TMEM98: variants seen among roughly 807,000 people sequenced by gnomAD.
The protein encoded by TMEM98 is transmembrane protein 98.
In TMEM98, 18 loss-of-function variants were observed where a neutral mutation model predicts 25.0. That is an observed-to-expected ratio of 0.72 (90% CI 0.50 to 1.07). The LOEUF is 1.07. Ranked by LOEUF, TMEM98 falls within the 50% of genes least tolerant of loss-of-function variation. The probability of loss-of-function intolerance (pLI) is 0.00; values close to 1 mark genes in which losing one functional copy is unlikely to be tolerated. For synonymous variants in TMEM98, 103 were observed against 112.4 expected (o/e 0.92, Z 0.53); for missense variants, 241 against 289.0 (o/e 0.83, Z 1.20).
At chr17:32,934,136 T>C (rs543413568) in intron 4 of TMEM98, among the ~76,000 whole-genome samples, 155 bp from the exon 5 acceptor site, 4 of 152,220 alleles carry the variant, frequency 2.6e-5, no homozygotes, top group South Asian at 2.1e-4. Flanking sequence ...CTTTAACTCA[T>C]GGGCTGGTTC....
At chr17:32,936,251 G>T in intron 5 of TMEM98, 81 bp from the exon 6 acceptor site, 2 of 1,124,304 alleles carry the variant, frequency 1.8e-6, no homozygotes, top group East Asian at 2.4e-5. Context: ...ACTCACGGCA[G>T]GGCTGATTTG....
intron 6 of TMEM98, among the ~76,000 whole-genome samples, chr17:32,937,920 A>T (rs1345251853): frequency 6.6e-6 from 1 of 152,078 alleles, no homozygotes; most frequent in East Asian, 1.9e-4. Flanking sequence ...AAGATTCTGC[A>T]CTATGGTATT....
intron 4 of TMEM98, among the ~76,000 whole-genome samples, chr17:32,933,711 A>G (rs1456343072): frequency 1.3e-5 from 2 of 152,174 alleles, no homozygotes; most frequent in Non-Finnish European, 2.9e-5. Flanking sequence ...CCATTTAGCC[A>G]TCCATTCCCT....
Position 32,936,451 on chromosome 17 carries a change from A to G in TMEM98, c.413+4A>G. The G allele has an allele frequency of 6.2e-7, 1 of 1,613,510 alleles. No individual in the cohort carries two copies. Among genetic ancestry groups the G allele is most frequent in the Non-Finnish European group, 8.5e-7 (1 of 1,179,626 alleles). ...TGGCCAAGCGGATCAGCCCCAGGTG[A>G]GCAATTGGCGGCTTCGAGGTCCCCA... On this transcript the variant is annotated splice_donor_region_variant and intron_variant, in intron 6 of 7. Transcript: ENST00000579849.
Position 32,930,794 on chromosome 17 carries a change from C to G in TMEM98, c.-130-533C>G, listed in dbSNP as rs1304675405. On this transcript the variant is annotated intron_variant, in intron 1 of 7. Coordinates refer to ENST00000579849, the MANE Select transcript of TMEM98 (RefSeq NM_015544.3). ...CAAAGAACCTGGTGCAGAGTAGATC[C>G]TCAGTAAATACAGTTTCATCTTTCC... 3.9e-5 allele frequency: 6 copies of G among 152,168 alleles called. No homozygotes were observed. In the East Asian group the frequency reaches 7.7e-4, roughly 20 times the overall value. The allele number at this position is 152,168 out of a possible 1,614,324, so 9.4% of individuals were successfully genotyped here. A position where few individuals can be genotyped will look rare whatever the true frequency, so the allele number is the denominator to read the frequency against.
intron 4 of TMEM98, among the ~76,000 whole-genome samples, chr17:32,933,843 G>A (rs1415764335): frequency 2.6e-5 from 4 of 152,238 alleles, no homozygotes; most frequent in Non-Finnish European, 5.9e-5. Context: ...TGTGTACAGT[G>A]CAGTAGGCAC....
intron 1 of TMEM98, chr17:32,930,960 G>C (rs1461262896): frequency 6.6e-6 from 1 of 152,194 alleles, no homozygotes; most frequent in African/African-American, 2.4e-5. Flanking sequence ...CCAGCACTTT[G>C]GGAGGCCCGA....
Position 32,942,996 on chromosome 17 carries a change from C to G in TMEM98, c.*2003C>G, listed in dbSNP as rs1485344236. 1 of 152,238 alleles carries G rather than the reference C, an allele frequency of 6.6e-6. No individual in the cohort carries two copies. Among genetic ancestry groups the G allele is most frequent in the Non-Finnish European group, 1.5e-5 (1 of 68,072 alleles). 9.4% of individuals were successfully genotyped at this position (152,238 alleles called of 1,614,324 possible). On this transcript the variant is annotated 3_prime_UTR_variant, in exon 8 of 8. Transcript: ENST00000579849. ...CAGAGAAGCAGTTCTGAATTGGTAT[C>G]TCAAATACCATCCACCTGGTGTGGG...
In TMEM98 at chr17:32,940,889, G is replaced by C. The variant is rs587777690; in HGVS notation, c.577G>C (p.Ala193Pro). ...LDWIDQSLSAAEEHLEVLREA... is the reference protein window; with the variant it reads ...LDWIDQSLSAPEEHLEVLREA... ...CTGGATTGACCAGTCTCTGTCGGCTGCTGAGGAGCATTTGGAAGTCCTTCG... is the reference window on the plus strand; with the variant it reads ...CTGGATTGACCAGTCTCTGTCGGCTCCTGAGGAGCATTTGGAAGTCCTTCG... Residue 193 changes from alanine to proline, a missense_variant, in exon 8 of 8, where the codon GCT (alanine) becomes CCT (proline). Coordinates refer to ENST00000579849, the MANE Select transcript of TMEM98 (RefSeq NM_015544.3). 6.2e-7 allele frequency: 1 copy of C among 1,614,198 alleles called. No homozygotes were observed. Among genetic ancestry groups the C allele is most frequent in the Non-Finnish European group, 8.5e-7 (1 of 1,180,036 alleles).
chr17:32,929,596 AC>A (rs1234218449), intron 1 of TMEM98, among the ~76,000 whole-genome samples: 1 of 151,590 alleles, frequency 6.6e-6, no homozygotes, highest in Non-Finnish European at 1.5e-5. Flanking sequence ...CCTGAGAATT[AC>A]CCCCCTCCCC....
chr17:32,939,562 C>T (rs201819329), intron 7 of TMEM98, 26 bp downstream of exon 7: 18 of 1,613,668 alleles, frequency 1.1e-5, no homozygotes, highest in Middle Eastern at 1.7e-4. Flanking sequence ...GGTGCATGTT[C>T]GGTTTTTCAT....
chr17:32,935,533 C>T (rs2091491645), intron 5 of TMEM98, among the ~76,000 whole-genome samples: 1 of 152,052 alleles, frequency 6.6e-6, no homozygotes. Flanking sequence ...GATCTTAAGA[C>T]TCTTTTGCTA....
At chr17:32,934,457 A>C (rs2091485556) in intron 5 of TMEM98, 133 bp downstream of exon 5, 3 of 991,070 alleles carry the variant, frequency 3.0e-6, no homozygotes, top group Non-Finnish European at 3.1e-6. Context: ...GACACTTGGA[A>C]TTTTTGTGGT....
intron 5 of TMEM98, 148 bp from the exon 6 acceptor site, chr17:32,936,184 C>A: frequency 1.6e-6 from 1 of 615,768 alleles, no homozygotes; most frequent in Non-Finnish European, 2.8e-6. Context: ...CACCCGTTTC[C>A]TCTCATCTCT....
Position 32,943,171 on chromosome 17 carries a change from G to A in TMEM98, c.*2178G>A, listed in dbSNP as rs2091539257. The A allele has an allele frequency of 2.0e-5, 3 of 152,322 alleles. No individual in the cohort carries two copies. 9.4% of individuals were successfully genotyped at this position (152,322 alleles called of 1,614,324 possible). On this transcript the variant is annotated 3_prime_UTR_variant, in exon 8 of 8. Coordinates refer to ENST00000579849, the MANE Select transcript of TMEM98 (RefSeq NM_015544.3). ...GTGAGGAGAGGTTGCCGAAGATATT[G>A]GAGGTGTCTGCTGGACTGTAGGATT...
In TMEM98 at chr17:32,931,507, G is replaced by C; in HGVS notation, c.-22G>C. On this transcript the variant is annotated 5_prime_UTR_variant, in exon 3 of 8. Coordinates refer to ENST00000579849, the MANE Select transcript of TMEM98 (RefSeq NM_015544.3). ...CCATGAGGAGGATGTGACCGGGACT[G>C]AGTCAGGAGCCCTCTGGAAGCATGG... The C allele has an allele frequency of 3.7e-6, 6 of 1,602,474 alleles. No individual in the cohort carries two copies. Among genetic ancestry groups the C allele is most frequent in the Non-Finnish European group, 5.1e-6 (6 of 1,174,940 alleles).
chr17:32,938,809 C>T (rs1175812620), intron 6 of TMEM98, among the ~76,000 whole-genome samples: 1 of 152,208 alleles, frequency 6.6e-6, no homozygotes, highest in African/African-American at 2.4e-5. Flanking sequence ...TCCTTCCCAA[C>T]CCCACATTTC....
chr17:32,937,887 G>A (rs558121963), intron 6 of TMEM98, among the ~76,000 whole-genome samples: 17 of 152,114 alleles, frequency 1.1e-4, no homozygotes, highest in African/African-American at 9.7e-5. Flanking sequence ...CACCACACCC[G>A]GCCTCCTTCC....
chr17:32,940,754 G>A, intron 7 of TMEM98, 32 bp from the exon 8 acceptor site: 1 of 1,597,072 alleles, frequency 6.3e-7, no homozygotes, highest in South Asian at 1.1e-5. Context: ...CATTTCCTAG[G>A]AAACCTGACC....
Sources: gnomAD v4.1 joint callset for allele counts (sites outside exome capture counted in the v4.1 genomes callset) on GRCh38, gnomAD v4.1.1 for gene constraint, MANE v1.5 for transcripts, NCBI Gene and HGNC (gene_info 2026-07-23, HGNC 2026-07-21) for gene names.